Variants in ZBTB4 observed in about 807,000 individuals in gnomAD.
ZBTB4 encodes zinc finger and BTB domain-containing protein 4.
In ZBTB4, 14 loss-of-function variants were observed where a neutral mutation model predicts 59.8. The ratio of observed to expected loss-of-function variants is 0.23; its 90% CI spans 0.15 to 0.37. ZBTB4 has a LOEUF of 0.37. ZBTB4 is among the 10% of genes least tolerant of loss of function. The probability of loss-of-function intolerance (pLI) is 1.00; values close to 1 mark genes in which losing one functional copy is unlikely to be tolerated. For synonymous variants in ZBTB4, 587 were observed against 575.2 expected (o/e 1.02, Z -0.29); for missense variants, 1,198 against 1,380.8 (o/e 0.87, Z 2.10).
rs1198183154 is a variant in ZBTB4, at chr17:7,465,166, AAT to A, written c.1091+543_1091+544del. Among the ~76,000 whole-genome samples the A allele has an allele frequency of 1.8e-4, 26 of 146,538 alleles. 9 individuals carry two copies. The highest frequency in any genetic ancestry group is 3.4e-4 in the Admixed American group (5 of 14,642). On this transcript the variant is annotated intron_variant, in intron 3 of 3. Coordinates refer to ENST00000380599, the MANE Select transcript of ZBTB4 (RefSeq NM_001128833.2). ...GCGAGACTCTGTCTCAAAAAAAAAA[AAT>A]AAAAAAAATGCCAGGTGTGGTGGCT...
chr17:7,477,253 C>T (rs2070281247), intron 1 of ZBTB4, among the ~76,000 whole-genome samples: 2 of 152,226 alleles, frequency 1.3e-5, no homozygotes, highest in South Asian at 2.1e-4. Flanking sequence ...TTTCCGGGTC[C>T]GTTTCCCATG....
intron 1 of ZBTB4, among the ~76,000 whole-genome samples, chr17:7,478,367 T>C (rs1025801102): frequency 3.3e-5 from 5 of 151,858 alleles, no homozygotes; most frequent in African/African-American, 9.7e-5. Context: ...GGTTCCTCGC[T>C]CCTCTCATGA....
chr17:7,462,339 C>A lies in ZBTB4; in HGVS notation c.2643G>T (p.Gly881=). ...PVQEFPLALI[G]GGREPGGGRG... ...TGCCACCGCCAGGTTCCCGGCCGCCCCCAATCAAGGCCAGTGGAAATTCCT... is the reference window on the plus strand; with the variant it reads ...TGCCACCGCCAGGTTCCCGGCCGCCACCAATCAAGGCCAGTGGAAATTCCT... The change falls in exon 4 of 4, where the codon GGG becomes GGT. Residue 881 remains glycine (G), a synonymous_variant. Transcript: ENST00000380599. The surrounding 1 kb of genome is among the most constrained non-coding windows in gnomAD (Gnocchi z 7.5). The A allele has an allele frequency of 6.2e-7, 1 of 1,613,920 alleles. No individual in the cohort carries two copies. The highest frequency in any genetic ancestry group is 8.5e-7 in the Non-Finnish European group (1 of 1,179,984).
upstream of ZBTB4, chr17:7,482,261 C>T (rs775150636): frequency 3.1e-6 from 5 of 1,614,038 alleles, no homozygotes; most frequent in Non-Finnish European, 4.2e-6. Flanking sequence ...GCGTGGCGAC[C>T]CCCTTCTGGG....
chr17:7,477,309 G>A (rs930473873), intron 1 of ZBTB4, among the ~76,000 whole-genome samples: 2 of 152,224 alleles, frequency 1.3e-5, no homozygotes, highest in Non-Finnish European at 2.9e-5. Context: ...CCATTCTGCA[G>A]ATGAGGAACT....
At chr17:7,464,038 G>A (rs1328459388) in intron 3 of ZBTB4, 148 bp from the exon 4 acceptor site, 10 of 1,395,802 alleles carry the variant, frequency 7.2e-6, no homozygotes, top group Non-Finnish European at 9.5e-6. Context: ...CCTCAGTGCA[G>A]GGTGCCCGTC....
intron 1 of ZBTB4, among the ~76,000 whole-genome samples, chr17:7,477,279 C>T (rs746648224): frequency 2.1e-4 from 32 of 152,318 alleles, no homozygotes; most frequent in Non-Finnish European, 3.2e-4. Context: ...TTGGAAGATA[C>T]GCAGGGCAGA....
At chr17:7,479,818 G>C (rs71370498), upstream of ZBTB4, among the ~76,000 whole-genome samples, 7,347 of 151,574 alleles carry the variant, frequency 0.048, 395 homozygotes, top group Admixed American at 0.13. Flanking sequence ...CTGGGCCACC[G>C]GGCGGGTGGA....
At chr17:7,472,377 G>C (rs1281580349) in intron 1 of ZBTB4, among the ~76,000 whole-genome samples, 1 of 152,086 alleles carries the variant, frequency 6.6e-6, no homozygotes, top group Non-Finnish European at 1.5e-5. Flanking sequence ...TTTTAGTAGA[G>C]ACGAGGTTTC....
chr17:7,482,160 A>T, upstream of ZBTB4: 1 of 1,613,792 alleles, frequency 6.2e-7, no homozygotes, highest in Non-Finnish European at 8.5e-7. Context: ...CCCCTTTCTC[A>T]TATGGCTTAC....
At chr17:7,481,388 A>G (rs1258196557), upstream of ZBTB4, 52 of 1,278,806 alleles carry the variant, frequency 4.1e-5, 1 homozygote, top group East Asian at 3.1e-4. Flanking sequence ...GCGGGAAAAT[A>G]GGCGTGCTAC....
intron 1 of ZBTB4, among the ~76,000 whole-genome samples, chr17:7,469,681 C>T (rs2070173531): frequency 6.6e-6 from 1 of 151,892 alleles, no homozygotes; most frequent in Admixed American, 6.6e-5. Context: ...AGGAGAATTG[C>T]TGGAACCCAG....
Position 7,466,508 on chromosome 17 carries a change from GGAAGAAGAGGAA to G in ZBTB4, c.282_293del (p.Ser97_Ser100del). The G allele has an allele frequency of 6.2e-7, 1 of 1,609,092 alleles. No individual in the cohort carries two copies. The highest frequency in any genetic ancestry group is 8.5e-7 in the Non-Finnish European group (1 of 1,177,818). ...AGGAAGAAGAAGAAGAAGCAGAGGA[GGAAGAAGAGGAA>G]GAAGACGAGGAAGAGGAGGAGGAGG... is the stretch of plus-strand genomic sequence containing the variant. On this transcript the variant is annotated inframe_deletion, in exon 3 of 4. Transcript: ENST00000380599. This position sits in a 1 kb window ranked among gnomAD's most constrained non-coding sequence, Gnocchi z 9.1.
chr17:7,473,852 T>C (rs2070233022), intron 1 of ZBTB4, among the ~76,000 whole-genome samples: 1 of 152,144 alleles, frequency 6.6e-6, no homozygotes, highest in Non-Finnish European at 1.5e-5. Context: ...GCCCAGCTCC[T>C]ATTTCTTATT....
At chr17:7,467,410 C>T in intron 1 of ZBTB4, 83 bp from the exon 2 acceptor site, 1 of 314,294 alleles carries the variant, frequency 3.2e-6, no homozygotes, top group Non-Finnish European at 4.6e-6. Flanking sequence ...AGAGGAAAAG[C>T]CCCCAGGAAG....
chr17:7,482,130 T>C (rs2070352456), upstream of ZBTB4: 4 of 1,614,050 alleles, frequency 2.5e-6, no homozygotes, highest in Non-Finnish European at 3.4e-6. Flanking sequence ...GGTGGGGGCC[T>C]GCCTGCTGGC....
chr17:7,467,727 G>C (rs73977676), intron 1 of ZBTB4, among the ~76,000 whole-genome samples: 1,692 of 152,326 alleles, frequency 0.011, 32 homozygotes, highest in African/African-American at 0.038. Context: ...AGATTTGCAT[G>C]TTGTCATTTA....
Position 7,462,804 on chromosome 17 carries a change from G to C in ZBTB4, c.2178C>G (p.His726Gln), listed in dbSNP as rs1291054850. The C allele has an allele frequency of 6.2e-7, 1 of 1,602,592 alleles. No homozygotes were observed. The highest frequency in any genetic ancestry group is 2.2e-5 in the East Asian group (1 of 44,868). ...PAGRARTERR[H>Q]RCGDCAQTFT... The stretch of plus-strand genomic sequence containing the variant: ...AGGTCTGGGCACAGTCCCCGCATCG[G>C]TGCCTCCGCTCTGTGCGGGCACGTC... The change falls in exon 4 of 4, where the codon CAC becomes CAG. Residue 726 changes from histidine to glutamine, a missense_variant. Transcript: ENST00000380599. The surrounding 1 kb of genome is among the most constrained non-coding windows in gnomAD (Gnocchi z 7.5).
In ZBTB4 at chr17:7,474,325, C is replaced by T. The variant is rs548965675; in HGVS notation, c.-81+5131G>A. Among the ~76,000 whole-genome samples the T allele has an allele frequency of 9.8e-4, 147 of 150,434 alleles. 1 individual carries two copies. The highest frequency in any genetic ancestry group is 3.3e-3 in the African/African-American group (135 of 40,886). ...TGACCTCCCCTAGGCTCAGGTGATT[C>T]TCTCATTACAGCCTCCCAAGTAGCT... On this transcript the variant is annotated intron_variant, in intron 1 of 3. Coordinates refer to ENST00000380599, the MANE Select transcript of ZBTB4 (RefSeq NM_001128833.2).
Sources: gnomAD v4.1 joint callset for allele counts (sites outside exome capture counted in the v4.1 genomes callset) on GRCh38, gnomAD v4.1.1 for gene constraint, Gnocchi (gnomAD v3.1) non-coding constraint, MANE v1.5 for transcripts, NCBI Gene and HGNC (gene_info 2026-07-23, HGNC 2026-07-21) for gene names.